The following DNER variants were observed in gnomAD, a reference collection of about 807,000 sequenced individuals.
DNER encodes the protein delta/notch like EGF repeat containing.
DNER carries 33 observed loss-of-function variants against 78.2 expected under a neutral mutation model. That is an observed-to-expected ratio of 0.42 (90% CI 0.32 to 0.56). DNER has a LOEUF of 0.56. Ranked by LOEUF, DNER falls within the 20% of genes least tolerant of loss-of-function variation. The pLI, the probability that DNER is intolerant of heterozygous loss-of-function variation, is 0.11. For missense variants in DNER, 918 were observed against 975.3 expected, an observed-to-expected ratio of 0.94 and a Z score of 0.78; for synonymous variants, 417 against 384.8, an observed-to-expected ratio of 1.08 and a Z score of -0.98.
At chr2:229,380,118 G>A (rs748808634) in intron 11 of DNER, among the ~76,000 whole-genome samples, 15 of 152,214 alleles carry the variant, frequency 9.9e-5, no homozygotes, top group East Asian at 1.9e-4. Flanking sequence ...TCAAATTGAC[G>A]TTGGAGAATG....
chr2:229,635,361 G>GAAAAAAAAAAAAAAAAAAAAA (rs58220819), intron 1 of DNER, among the ~76,000 whole-genome samples: 2 of 85,890 alleles, frequency 2.3e-5, no homozygotes, highest in Non-Finnish European at 2.0e-5. Context: ...GGTCCCACAG[G>GAAAAAAAAAAAAAAAAAAAAA]AAAAAAAAAA....
intron 8 of DNER, among the ~76,000 whole-genome samples, chr2:229,431,334 C>T (rs1693999380): frequency 6.6e-6 from 1 of 152,138 alleles, no homozygotes; most frequent in Non-Finnish European, 1.5e-5. Context: ...CCTGCTTTAA[C>T]GGAAACAGTG....
At chr2:229,458,813 GA>G (rs2154210765) in intron 7 of DNER, among the ~76,000 whole-genome samples, 1 of 151,772 alleles carries the variant, frequency 6.6e-6, no homozygotes, top group East Asian at 1.9e-4. Context: ...ATAAAGTGTA[GA>G]AAGGAAAATA....
At chr2:229,710,985 A>ACG (rs1315686894) in intron 1 of DNER, among the ~76,000 whole-genome samples, 2 of 104,848 alleles carry the variant, frequency 1.9e-5, no homozygotes, top group Non-Finnish European at 4.0e-5. Flanking sequence ...ATACACGCGC[A>ACG]CACACACACA....
chr2:229,628,213 G>C (rs780822687), intron 1 of DNER, among the ~76,000 whole-genome samples: 35 of 152,162 alleles, frequency 2.3e-4, no homozygotes, highest in Non-Finnish European at 5.0e-4. Flanking sequence ...GAGGTGAGCG[G>C]CAGAGGAGGG....
intron 10 of DNER, among the ~76,000 whole-genome samples, chr2:229,391,269 G>A (rs115642144): frequency 1.2e-4 from 19 of 152,130 alleles, no homozygotes; most frequent in Non-Finnish European, 2.2e-4. Flanking sequence ...ATCAATATTC[G>A]TTTTAACTTA....
In DNER at chr2:229,588,128, T is replaced by C. The variant is rs73105659; in HGVS notation, c.680+266A>G. 0.029 allele frequency among the ~76,000 whole-genome samples: 4,419 copies of C among 152,238 alleles called. 192 individuals carry two copies. Among genetic ancestry groups the C allele is most frequent in the African/African-American group, 0.099 (4,090 of 41,520 alleles). ...GACAAGGAATCTGGCTGAGATCTTA[T>C]CTAAGGCCTCACGGTTTGTCACCTC... On this transcript the variant is annotated intron_variant, in intron 3 of 12. Coordinates refer to ENST00000341772, the MANE Select transcript of DNER (RefSeq NM_139072.4).
intron 1 of DNER, among the ~76,000 whole-genome samples, chr2:229,625,505 G>C (rs1169871025): frequency 6.6e-6 from 1 of 152,156 alleles, no homozygotes; most frequent in African/African-American, 2.4e-5. Context: ...CATATCAAAG[G>C]CCAGAAAACA....
At chr2:229,602,206 C>T (rs1254653072) in intron 1 of DNER, among the ~76,000 whole-genome samples, 1 of 152,098 alleles carries the variant, frequency 6.6e-6, no homozygotes, top group Non-Finnish European at 1.5e-5. Flanking sequence ...AGGCTGCAGG[C>T]AAACTGGGAA....
At chr2:229,534,214 A>G (rs1426439581) in intron 5 of DNER, among the ~76,000 whole-genome samples, 1 of 151,794 alleles carries the variant, frequency 6.6e-6, no homozygotes, top group Non-Finnish European at 1.5e-5. Context: ...AATAGATTGT[A>G]ATGTAACAGA....
chr2:229,500,794 A>G (rs1695604345), intron 6 of DNER, among the ~76,000 whole-genome samples: 1 of 152,130 alleles, frequency 6.6e-6, no homozygotes, highest in Non-Finnish European at 1.5e-5. Context: ...CGATGCACCT[A>G]CCACCCAAGC....
In DNER at chr2:229,700,909, G is replaced by A. The variant is rs1238000121; in HGVS notation, c.276+13239C>T. ...CTCCGTCTCAAAAAAAAAAAAAAAA[G>A]ATATGGTAAGATGCTCAAAATAGAT... is the stretch of plus-strand genomic sequence containing the variant. On this transcript the variant is annotated intron_variant, in intron 1 of 12. Coordinates refer to ENST00000341772, the MANE Select transcript of DNER (RefSeq NM_139072.4). Among the ~76,000 whole-genome samples the A allele has an allele frequency of 1.6e-3, 242 of 150,090 alleles. 1 individual carries two copies. The highest frequency in any genetic ancestry group is 3.5e-3 in the Middle Eastern group (1 of 288).
At chr2:229,677,589 C>T (rs909165781) in intron 1 of DNER, among the ~76,000 whole-genome samples, 25 of 152,190 alleles carry the variant, frequency 1.6e-4, no homozygotes, top group African/African-American at 6.0e-4. Context: ...AATATACCAC[C>T]TTTCACCACC....
At chr2:229,484,861 C>T (rs1695236958) in intron 6 of DNER, among the ~76,000 whole-genome samples, 1 of 152,160 alleles carries the variant, frequency 6.6e-6, no homozygotes, top group Admixed American at 6.5e-5. Context: ...AGCCTCTTAT[C>T]TTCCCTTAAA....
At chr2:229,560,508 G>T (rs1316492789) in intron 4 of DNER, among the ~76,000 whole-genome samples, 3 of 152,116 alleles carry the variant, frequency 2.0e-5, no homozygotes, top group Non-Finnish European at 4.4e-5. Flanking sequence ...ACTCGGAGGT[G>T]GGGGAAGACA....
At chr2:229,529,586 A>G (rs1011066837) in intron 5 of DNER, among the ~76,000 whole-genome samples, 6 of 152,220 alleles carry the variant, frequency 3.9e-5, no homozygotes, top group Admixed American at 6.5e-5. Context: ...ATTTTGTTCA[A>G]CTGTCCATTA....
intron 10 of DNER, among the ~76,000 whole-genome samples, chr2:229,401,145 G>A (rs930371523): frequency 6.6e-6 from 1 of 152,008 alleles, no homozygotes; most frequent in Non-Finnish European, 1.5e-5. Flanking sequence ...ACCCCTATCA[G>A]AATGGCCCAA....
chr2:229,434,744 A>G (rs1218572708), intron 8 of DNER, among the ~76,000 whole-genome samples: 6 of 152,154 alleles, frequency 3.9e-5, no homozygotes, highest in African/African-American at 9.7e-5. Context: ...GGCTCAATCT[A>G]TATGGAATTA....
intron 8 of DNER, among the ~76,000 whole-genome samples, chr2:229,445,431 C>T (rs1042692239): frequency 6.6e-6 from 1 of 152,144 alleles, no homozygotes; most frequent in African/African-American, 2.4e-5. Context: ...AATGTTACTG[C>T]GATAGTTCAT....
Sources: gnomAD v4.1 joint callset for allele counts (sites outside exome capture counted in the v4.1 genomes callset) on GRCh38, gnomAD v4.1.1 for gene constraint, MANE v1.5 for transcripts, NCBI Gene and HGNC (gene_info 2026-07-23, HGNC 2026-07-21) for gene names.